The following FMNL2 variants were observed in gnomAD, a reference collection of about 807,000 sequenced individuals.
The protein encoded by FMNL2 is formin-like protein 2.
FMNL2 carries 51 observed loss-of-function variants against 130.2 expected under a neutral mutation model. That is an observed-to-expected ratio of 0.39 (90% CI 0.31 to 0.49). FMNL2 has a LOEUF of 0.49. Ranked by LOEUF, FMNL2 falls within the 20% of genes least tolerant of loss-of-function variation. The pLI, the probability that FMNL2 is intolerant of heterozygous loss-of-function variation, is 0.85. For missense variants in FMNL2, 977 were observed against 1,316.2 expected, an observed-to-expected ratio of 0.74 and a Z score of 3.99; for synonymous variants, 465 against 467.1, an observed-to-expected ratio of 1.00 and a Z score of 0.06.
chr2:152,476,070 C>G (rs1032749577), intron 1 of FMNL2, among the ~76,000 whole-genome samples: 32 of 152,168 alleles, frequency 2.1e-4, no homozygotes, highest in African/African-American at 7.5e-4. Context: ...CCTTGATGCA[C>G]TTCACCTTCT....
chr2:152,425,091 A>G (rs1192241693), intron 1 of FMNL2, among the ~76,000 whole-genome samples: 1 of 152,224 alleles, frequency 6.6e-6, no homozygotes, highest in East Asian at 1.9e-4. Flanking sequence ...CTTATTTTAC[A>G]TAAGTAGGCA....
At chr2:152,520,674 C>G (rs973766246) in intron 1 of FMNL2, among the ~76,000 whole-genome samples, 2 of 151,908 alleles carry the variant, frequency 1.3e-5, no homozygotes, top group Non-Finnish European at 2.9e-5. Flanking sequence ...AAATAGGTGG[C>G]AGATATACTT....
chr2:152,584,437 T>G (rs547489255), intron 9 of FMNL2, among the ~76,000 whole-genome samples: 2 of 152,342 alleles, frequency 1.3e-5, no homozygotes, highest in South Asian at 4.1e-4. Context: ...GAAAGGATTA[T>G]CTTTGTTTTT....
At chr2:152,588,853 A>G in intron 9 of FMNL2, among the ~76,000 whole-genome samples, 1 of 151,966 alleles carries the variant, frequency 6.6e-6, no homozygotes, top group Admixed American at 6.6e-5. Context: ...GGCTGTTTAG[A>G]TTGACTCTAT....
chr2:152,366,539 CT>C (rs1683563113), intron 1 of FMNL2, among the ~76,000 whole-genome samples: 1 of 152,088 alleles, frequency 6.6e-6, no homozygotes, highest in Non-Finnish European at 1.5e-5. Flanking sequence ...TATTGAACAC[CT>C]GTGCTAAAGA....
intron 2 of FMNL2, among the ~76,000 whole-genome samples, chr2:152,526,220 C>T (rs1285334901): frequency 6.6e-6 from 1 of 152,116 alleles, no homozygotes; most frequent in Non-Finnish European, 1.5e-5. Flanking sequence ...GTCCTTGGAG[C>T]ACCAGGGGTG....
At chr2:152,505,734 T>C (rs1692133900) in intron 1 of FMNL2, among the ~76,000 whole-genome samples, 1 of 152,214 alleles carries the variant, frequency 6.6e-6, no homozygotes, top group Non-Finnish European at 1.5e-5. Context: ...CAGCCGTGTC[T>C]TCGAGTGTCT....
intron 1 of FMNL2, among the ~76,000 whole-genome samples, chr2:152,519,948 A>T (rs1267219619): frequency 6.6e-6 from 1 of 152,202 alleles, no homozygotes; most frequent in African/African-American, 2.4e-5. Context: ...GAAGGTCAAC[A>T]CCAGTTTAAG....
At chr2:152,459,726 A>G (rs1161315603) in intron 1 of FMNL2, among the ~76,000 whole-genome samples, 1 of 152,240 alleles carries the variant, frequency 6.6e-6, no homozygotes, top group Non-Finnish European at 1.5e-5. Flanking sequence ...TAAAAATAAC[A>G]GATAACTATG....
chr2:152,598,233 A>T (rs903842621), intron 9 of FMNL2, among the ~76,000 whole-genome samples: 3 of 152,220 alleles, frequency 2.0e-5, no homozygotes, highest in African/African-American at 7.2e-5. Flanking sequence ...TCCCTTGCTC[A>T]GCTTGACCTA....
At chr2:152,373,856 A>C (rs1684023977) in intron 1 of FMNL2, among the ~76,000 whole-genome samples, 1 of 152,070 alleles carries the variant, frequency 6.6e-6, no homozygotes, top group African/African-American at 2.4e-5. Flanking sequence ...CGATTCATGA[A>C]GCATAATTTA....
chr2:152,611,036 T>G (rs1698649470), intron 10 of FMNL2, among the ~76,000 whole-genome samples: 1 of 152,188 alleles, frequency 6.6e-6, no homozygotes, highest in African/African-American at 2.4e-5. Flanking sequence ...AATTTAAAAA[T>G]AAGTATAAAA....
At chr2:152,504,199 CA>C (rs962874119) in intron 1 of FMNL2, among the ~76,000 whole-genome samples, 4 of 151,594 alleles carry the variant, frequency 2.6e-5, no homozygotes, top group African/African-American at 9.7e-5. Flanking sequence ...TCAACAATAA[CA>C]AAAAAGAACA....
At chr2:152,623,056 T>C (rs554122999) in intron 15 of FMNL2, among the ~76,000 whole-genome samples, 5 of 152,228 alleles carry the variant, frequency 3.3e-5, no homozygotes, top group Admixed American at 6.5e-5. Flanking sequence ...CAGGAAAACC[T>C]TTCCAAGGAG....
intron 9 of FMNL2, among the ~76,000 whole-genome samples, chr2:152,593,668 GC>G: frequency 6.6e-6 from 1 of 152,248 alleles, no homozygotes; most frequent in Admixed American, 6.5e-5. Context: ...GAGGAAAGTA[GC>G]CCAACTATAG....
intron 1 of FMNL2, among the ~76,000 whole-genome samples, chr2:152,458,293 C>T (rs1395744706): frequency 2.0e-5 from 3 of 152,166 alleles, no homozygotes; most frequent in Admixed American, 1.3e-4. Context: ...CTCAGAAATA[C>T]TCCTTGGCTT....
chr2:152,491,005 A>G (rs948645095), intron 1 of FMNL2, among the ~76,000 whole-genome samples: 2 of 151,696 alleles, frequency 1.3e-5, no homozygotes, highest in African/African-American at 4.8e-5. Context: ...TCTGTGTCCT[A>G]CTCCCTCGCC....
chr2:152,577,008 C>T (rs553922111), intron 7 of FMNL2, among the ~76,000 whole-genome samples: 1 of 152,284 alleles, frequency 6.6e-6, no homozygotes, highest in South Asian at 2.1e-4. Context: ...CATAATCTGA[C>T]ACTTGCATTT....
intron 24 of FMNL2, among the ~76,000 whole-genome samples, chr2:152,640,569 G>A (rs147597820): frequency 5.3e-5 from 8 of 152,228 alleles, no homozygotes; most frequent in Non-Finnish European, 1.2e-4. Context: ...GTAGACTCCA[G>A]CCTTCTTGTT....
Sources: gnomAD v4.1 joint callset for allele counts (sites outside exome capture counted in the v4.1 genomes callset) on GRCh38, gnomAD v4.1.1 for gene constraint, MANE v1.5 for transcripts, NCBI Gene and HGNC (gene_info 2026-07-23, HGNC 2026-07-21) for gene names.